The following FAM227B variants were observed in gnomAD, a reference collection of about 807,000 sequenced individuals.
The protein encoded by FAM227B is protein FAM227B.
FAM227B carries 88 observed loss-of-function variants against 73.8 expected under a neutral mutation model. The observed-to-expected ratio is 1.19, with a 90% CI of 1.00 to 1.42. The LOEUF (loss-of-function observed/expected upper bound fraction) is 1.42. Among genes scored for constraint, FAM227B ranks in the 40% most tolerant of loss-of-function variants. FAM227B has a pLI of 0.00. For missense variants in FAM227B, 632 were observed against 590.9 expected, an observed-to-expected ratio of 1.07 and a Z score of -0.72; for synonymous variants, 210 against 190.5, an observed-to-expected ratio of 1.10 and a Z score of -0.84.
chr15:49,342,750 G>A (rs1041224998), intron 13 of FAM227B, among the ~76,000 whole-genome samples: 7 of 152,032 alleles, frequency 4.6e-5, no homozygotes, highest in East Asian at 1.9e-4. Flanking sequence ...TAGTGCTTGC[G>A]TGTCTGGAAG....
chr15:49,588,166 A>G, intron 4 of FAM227B, 83 bp from the exon 5 acceptor site: 1 of 802,306 alleles, frequency 1.2e-6, no homozygotes, highest in Non-Finnish European at 1.7e-6. Context: ...AATACTTTAA[A>G]CAAATTATAT....
intron 13 of FAM227B, among the ~76,000 whole-genome samples, chr15:49,344,662 G>T (rs1038879216): frequency 2.6e-5 from 4 of 152,138 alleles, no homozygotes; most frequent in Non-Finnish European, 2.9e-5. Flanking sequence ...TAGAGGTGGT[G>T]GTCCTGCTCA....
intron 11 of FAM227B, among the ~76,000 whole-genome samples, chr15:49,442,994 A>G (rs1015391412): frequency 7.2e-5 from 11 of 151,746 alleles, no homozygotes; most frequent in South Asian, 2.1e-4. Context: ...GCTGTATTGC[A>G]TCTCACAAAA....
At chr15:49,489,843 A>ATATATATATATATTT (rs2056834117) in intron 11 of FAM227B, among the ~76,000 whole-genome samples, 2 of 14,470 alleles carry the variant, frequency 1.4e-4, no homozygotes, top group Admixed American at 1.5e-3. Flanking sequence ...TATATATTTT[A>ATATATATATATATTT]TATATATATA....
At chr15:49,385,124 G>A (rs1187702061) in intron 11 of FAM227B, among the ~76,000 whole-genome samples, 1 of 151,866 alleles carries the variant, frequency 6.6e-6, no homozygotes, top group African/African-American at 2.4e-5. Flanking sequence ...AGAAAGGTTT[G>A]GCAAGGTTTC....
At chr15:49,575,457 C>T (rs948555502) in intron 7 of FAM227B, among the ~76,000 whole-genome samples, 1 of 151,944 alleles carries the variant, frequency 6.6e-6, no homozygotes, top group African/African-American at 2.4e-5. Context: ...TTGAACACTA[C>T]ATTTTCATCA....
At chr15:49,460,061 A>G (rs764435146) in intron 11 of FAM227B, among the ~76,000 whole-genome samples, 2 of 152,136 alleles carry the variant, frequency 1.3e-5, no homozygotes, top group Non-Finnish European at 2.9e-5. Flanking sequence ...TGTCTCTACC[A>G]ACAACAAACT....
intron 10 of FAM227B, among the ~76,000 whole-genome samples, chr15:49,532,220 T>C (rs889196611): frequency 6.6e-6 from 1 of 151,814 alleles, no homozygotes; most frequent in East Asian, 1.9e-4. Flanking sequence ...TGCCACTATT[T>C]GAAAATTTGC....
At chr15:49,590,251 T>C (rs1296091684) in intron 3 of FAM227B, among the ~76,000 whole-genome samples, 4 of 152,218 alleles carry the variant, frequency 2.6e-5, no homozygotes, top group Non-Finnish European at 4.4e-5. Context: ...AAAACGTCAA[T>C]GTATATTTCC....
intron 10 of FAM227B, among the ~76,000 whole-genome samples, chr15:49,523,328 G>A (rs989866784): frequency 1.3e-5 from 2 of 152,078 alleles, no homozygotes; most frequent in Admixed American, 1.3e-4. Flanking sequence ...GCTGTTCTTG[G>A]GATGGTGAAT....
chr15:49,587,925 AGT>A (rs1360761385), intron 5 of FAM227B, 89 bp downstream of exon 5: 1 of 1,140,274 alleles, frequency 8.8e-7, no homozygotes, highest in Non-Finnish European at 1.1e-6. Flanking sequence ...CATTTACAAA[AGT>A]GTTATTAGTG....
At chr15:49,606,405 C>T (rs2153320322) in intron 3 of FAM227B, among the ~76,000 whole-genome samples, 3 of 152,166 alleles carry the variant, frequency 2.0e-5, no homozygotes, top group Middle Eastern at 3.4e-3. Context: ...ACCTAGCTAC[C>T]ATTATCTTTA....
intron 15 of FAM227B, chr15:49,330,300 C>T (rs1274257324): frequency 1.3e-5 from 2 of 152,182 alleles, no homozygotes; most frequent in Non-Finnish European, 2.9e-5. Flanking sequence ...AGAGTCAAAT[C>T]CAGGCAGCAT....
intron 3 of FAM227B, among the ~76,000 whole-genome samples, chr15:49,609,567 C>G (rs2077751646): frequency 6.6e-6 from 1 of 151,890 alleles, no homozygotes; most frequent in Admixed American, 6.6e-5. Flanking sequence ...GGCATCTTTG[C>G]TTGTTTTTAT....
intron 9 of FAM227B, among the ~76,000 whole-genome samples, chr15:49,557,770 C>G (rs1296535147): frequency 6.6e-6 from 1 of 152,180 alleles, no homozygotes; most frequent in Non-Finnish European, 1.5e-5. Flanking sequence ...ATTCCTGACC[C>G]CCAGGAGCCT....
intron 10 of FAM227B, among the ~76,000 whole-genome samples, chr15:49,537,148 A>T (rs2070387572): frequency 6.6e-6 from 1 of 152,148 alleles, no homozygotes; most frequent in Admixed American, 6.5e-5. Context: ...AATTAGGAAA[A>T]TATATTGACA....
intron 11 of FAM227B, among the ~76,000 whole-genome samples, chr15:49,397,325 C>T (rs1270018119): frequency 6.6e-6 from 1 of 152,058 alleles, no homozygotes; most frequent in Admixed American, 6.5e-5. Context: ...TGAGCAAAGC[C>T]TCCAAGAAAT....
At chr15:49,572,229 A>G (rs570683220) in intron 8 of FAM227B, among the ~76,000 whole-genome samples, 12 of 152,066 alleles carry the variant, frequency 7.9e-5, no homozygotes, top group African/African-American at 2.9e-4. Flanking sequence ...TACATTTCTA[A>G]CAGTTTTTTG....
intron 10 of FAM227B, among the ~76,000 whole-genome samples, chr15:49,535,106 T>C (rs935366047): frequency 6.6e-6 from 1 of 151,070 alleles, no homozygotes; most frequent in Admixed American, 6.6e-5. Flanking sequence ...ACAAAGCAAA[T>C]AGAAAATAGA....
Sources: allele counts gnomAD v4.1 joint callset (sites outside exome capture counted in the v4.1 genomes callset), GRCh38; gene constraint gnomAD v4.1.1; transcripts MANE v1.5; gene names NCBI Gene and HGNC (gene_info 2026-07-23, HGNC 2026-07-21).